Variants in COL14A1 observed in about 807,000 individuals in gnomAD.
COL14A1 encodes collagen type XIV alpha 1 chain.
COL14A1 carries 136 observed loss-of-function variants against 230.3 expected under a neutral mutation model. That is an observed-to-expected ratio of 0.59 (90% CI 0.51 to 0.68). The LOEUF (loss-of-function observed/expected upper bound fraction) is 0.68, where lower values mean the gene tolerates loss of function less well. Among genes scored for constraint, COL14A1 ranks in the 30% least tolerant of loss-of-function variants. The pLI is 0.00. For missense variants in COL14A1, 1,976 were observed against 2,215.8 expected, an observed-to-expected ratio of 0.89 and a Z score of 2.17; for synonymous variants, 792 against 784.1, an observed-to-expected ratio of 1.01 and a Z score of -0.17.
chr8:120,370,313 C>T (rs1256189794), intron 47 of COL14A1: 1 of 1,608,244 alleles, frequency 6.2e-7, no homozygotes, highest in Non-Finnish European at 8.5e-7. Flanking sequence ...CCTGTTCTCT[C>T]AAATACTCCT....
chr8:120,153,160 A>G (rs556990839), intron 2 of COL14A1, among the ~76,000 whole-genome samples: 11 of 152,234 alleles, frequency 7.2e-5, no homozygotes, highest in Admixed American at 2.0e-4. Context: ...TTTAACTGAA[A>G]AAAATGACTA....
chr8:120,269,603 C>T (rs1196873445), intron 25 of COL14A1, among the ~76,000 whole-genome samples: 1 of 151,738 alleles, frequency 6.6e-6, no homozygotes, highest in African/African-American at 2.4e-5. Context: ...TTGAATCTCT[C>T]TGACATTAAC....
intron 19 of COL14A1, among the ~76,000 whole-genome samples, chr8:120,235,208 G>A (rs758517870): frequency 1.1e-4 from 16 of 152,102 alleles, no homozygotes; most frequent in Admixed American, 4.6e-4. Context: ...TCACTCTGTT[G>A]CCCAGGCTGG....
Position 120,158,041 on chromosome 8 carries a change from A to G in COL14A1, c.89-89A>G, listed in dbSNP as rs1038124013. The G allele has an allele frequency of 2.9e-4, 199 of 693,496 alleles. 1 individual carries two copies. Among genetic ancestry groups the G allele is most frequent in the Non-Finnish European group, 4.7e-5 (19 of 404,808 alleles). The allele number at this position is 693,496 out of a possible 1,614,324, so 43.0% of individuals were successfully genotyped here. ...GAGGCTGATGAAGTCTTTTGTGTGT[A>G]TTTTTATTATACTACTTTGACTTTC... On this transcript the variant is annotated intron_variant, in intron 2 of 47. Coordinates refer to ENST00000297848, the MANE Select transcript of COL14A1 (RefSeq NM_021110.4).
Position 120,371,251 on chromosome 8 carries a change from A to T in COL14A1, c.*20A>T. ...GTCTGATAGCCTCAGGAGAAATTTGAAGACCAACTGCAAGAACTCTTAAGG... is the reference window on the plus strand; with the variant it reads ...GTCTGATAGCCTCAGGAGAAATTTGTAGACCAACTGCAAGAACTCTTAAGG... On this transcript the variant is annotated 3_prime_UTR_variant, in exon 48 of 48. Transcript: ENST00000297848. 1.9e-6 allele frequency: 3 copies of T among 1,583,214 alleles called. No homozygotes were observed. Among genetic ancestry groups the T allele is most frequent in the Non-Finnish European group, 2.6e-6 (3 of 1,157,520 alleles).
At chr8:120,158,020 CTGA>C (rs1815537321) in intron 2 of COL14A1, 107 bp from the exon 3 acceptor site, 1 of 601,232 alleles carries the variant, frequency 1.7e-6, no homozygotes, top group African/African-American at 1.9e-5. Context: ...TATTTTGAGG[CTGA>C]TGAAGTCTTT....
chr8:120,202,592 T>C (rs1172601523), intron 8 of COL14A1, among the ~76,000 whole-genome samples: 1 of 152,188 alleles, frequency 6.6e-6, no homozygotes, highest in South Asian at 2.1e-4. Flanking sequence ...TCTAACATTG[T>C]TGGTAAATGT....
chr8:120,181,575 A>G (rs934626389), intron 5 of COL14A1, among the ~76,000 whole-genome samples: 1 of 152,184 alleles, frequency 6.6e-6, no homozygotes, highest in Non-Finnish European at 1.5e-5. Flanking sequence ...GCTATATGGT[A>G]TACCTGTGAT....
intron 19 of COL14A1, among the ~76,000 whole-genome samples, chr8:120,238,127 C>T (rs926604157): frequency 2.6e-5 from 4 of 152,162 alleles, no homozygotes; most frequent in South Asian, 2.1e-4. Context: ...TAGCAGAGTT[C>T]GAGCGCTGTG....
chr8:120,204,343 C>T (rs893716938), intron 9 of COL14A1, among the ~76,000 whole-genome samples: 7 of 152,182 alleles, frequency 4.6e-5, no homozygotes, highest in Non-Finnish European at 7.3e-5. Context: ...CCCTCACTCT[C>T]TCTCCCTAAT....
intron 40 of COL14A1, among the ~76,000 whole-genome samples, chr8:120,328,984 A>G (rs1416265819): frequency 1.3e-5 from 2 of 152,172 alleles, no homozygotes; most frequent in African/African-American, 4.8e-5. Context: ...GCATAGGTGC[A>G]TGTTCACTCC....
rs2305609 is a variant in COL14A1, at chr8:120,278,334, T to A, written c.3337+100T>A. 0.6 allele frequency: 905,924 copies of A among 1,498,880 alleles called. 277,964 individuals are homozygous for A. Among genetic ancestry groups the A allele is most frequent in the African/African-American group, 0.9 (63,121 of 70,438 alleles). The allele number at this position is 1,498,880 out of a possible 1,614,324, so 92.8% of individuals were successfully genotyped here. A position where few individuals can be genotyped will look rare whatever the true frequency, so the allele number is the denominator to read the frequency against. On this transcript the variant is annotated intron_variant, in intron 27 of 47. Coordinates refer to ENST00000297848, the MANE Select transcript of COL14A1 (RefSeq NM_021110.4). The stretch of plus-strand genomic sequence containing the variant: ...AAGGCATAGTAATTTTTTAAAGATT[T>A]TTTTTTTCATTAATTTAAGAACTTT...
rs749616534 is a variant in COL14A1 at position 120,158,216 on chromosome 8, G to A, written c.175G>A (p.Gly59Ser). 8 of 1,605,322 alleles carry A rather than the reference G, an allele frequency of 5.0e-6. No individual in the cohort carries two copies. The East Asian group carries it at 1.8e-4, about 36-fold the overall frequency. Residue 59 changes from glycine to serine, a missense_variant, in exon 3 of 48, where the codon GGT becomes AGT. Transcript: ENST00000297848. ...SWKAPRGKFGGYKLLVTPTSG... is the reference protein window; with the variant it reads ...SWKAPRGKFGSYKLLVTPTSG... ...GAAGGCTCCAAGAGGGAAATTTGGT[G>A]GTTACAAACTTCTTGTGACTCCAAC...
chr8:120,178,682 C>T lies in COL14A1; in HGVS notation c.436+10435C>T, dbSNP rs1293277699. Among the ~76,000 whole-genome samples the T allele has an allele frequency of 7.2e-5, 11 of 152,304 alleles. No individual in the cohort carries two copies. The South Asian group carries it at 1.7e-3, about 23-fold the overall frequency. ...CTTCCACAATGGTTGAACTAATTTA[C>T]ACTCCCACCCACAGTGTAAAAGTGT... is the stretch of plus-strand genomic sequence containing the variant. On this transcript the variant is annotated intron_variant, in intron 5 of 47. Transcript: ENST00000297848.
At chr8:120,147,770 C>T (rs1815143984) in intron 1 of COL14A1, 36 bp from the exon 2 acceptor site, 3 of 1,082,000 alleles carry the variant, frequency 2.8e-6, no homozygotes, top group Admixed American at 4.4e-5. Context: ...TTATTTTCAG[C>T]CTTCTCAAAA....
intron 9 of COL14A1, among the ~76,000 whole-genome samples, chr8:120,205,098 C>T (rs1186566033): frequency 8.1e-6 from 1 of 123,136 alleles, no homozygotes; most frequent in Non-Finnish European, 1.8e-5. Context: ...GGTGTGGCCA[C>T]ATTTTTTTTT....
At chr8:120,350,594 C>T (rs1477351974) in intron 45 of COL14A1, among the ~76,000 whole-genome samples, 1 of 150,642 alleles carries the variant, frequency 6.6e-6, no homozygotes, top group Admixed American at 6.6e-5. Context: ...ATCCTAGTCT[C>T]TGATAAAACA....
rs1271162940 is a variant in COL14A1, at chr8:120,191,294, C to T, written c.437-5497C>T. ...AACATCTTTATTTCTGCCTTCATTT[C>T]GTTATGTACCCAGTAGTCATTCAGG... On this transcript the variant is annotated intron_variant, in intron 5 of 47. Coordinates refer to ENST00000297848, the MANE Select transcript of COL14A1 (RefSeq NM_021110.4). Among the ~76,000 whole-genome samples, 1,179 of 151,238 alleles carry T rather than the reference C, an allele frequency of 7.8e-3. 18 individuals carry two copies. The highest frequency in any genetic ancestry group is 0.028 in the African/African-American group (1,142 of 41,130).
chr8:120,142,990 C>T (rs1232736057), intron 1 of COL14A1, among the ~76,000 whole-genome samples: 1 of 152,168 alleles, frequency 6.6e-6, no homozygotes, highest in African/African-American at 2.4e-5. Flanking sequence ...GTTTACGTAA[C>T]TATGCTTTGC....
Sources: allele counts gnomAD v4.1 joint callset (sites outside exome capture counted in the v4.1 genomes callset), GRCh38; gene constraint gnomAD v4.1.1; transcripts MANE v1.5; gene names NCBI Gene and HGNC (gene_info 2026-07-23, HGNC 2026-07-21).